The following LRRTM1 variants were observed in gnomAD, a reference collection of about 807,000 sequenced individuals.
LRRTM1 encodes the protein leucine rich repeat transmembrane neuronal 1.
In LRRTM1, 8 loss-of-function variants were observed where a neutral mutation model predicts 37.3. That is an observed-to-expected ratio of 0.21 (90% CI 0.13 to 0.39). The LOEUF (loss-of-function observed/expected upper bound fraction) is 0.39, where lower values mean the gene tolerates loss of function less well. LRRTM1 is among the 10% of genes least tolerant of loss of function. LRRTM1 has a pLI of 1.00. For synonymous variants in LRRTM1, 326 were observed against 316.8 expected (o/e 1.03, Z -0.31); for missense variants, 557 against 691.0 (o/e 0.81, Z 2.17).
chr2:80,301,262 A>C (rs993051592), downstream of LRRTM1, among the ~76,000 whole-genome samples: 7 of 152,228 alleles, frequency 4.6e-5, no homozygotes, highest in African/African-American at 1.7e-4. Context: ...GTGCTCCAGA[A>C]GCACAGCTTT....
chr2:80,293,759 G>A (rs1255033804), intron 2 of LRRTM1, among the ~76,000 whole-genome samples: 3 of 152,282 alleles, frequency 2.0e-5, no homozygotes, highest in East Asian at 1.9e-4. Flanking sequence ...TGGAAGAGCT[G>A]GTGGCAAATC....
chr2:80,290,465 G>A (rs1227484508), intron 2 of LRRTM1, among the ~76,000 whole-genome samples: 3 of 152,060 alleles, frequency 2.0e-5, no homozygotes, highest in Non-Finnish European at 4.4e-5. Context: ...ACCATGGTGA[G>A]GTTGGTGAGG....
intron 2 of LRRTM1, among the ~76,000 whole-genome samples, chr2:80,289,408 C>T (rs1387762804): frequency 6.6e-6 from 1 of 152,090 alleles, no homozygotes; most frequent in Non-Finnish European, 1.5e-5. Flanking sequence ...CCAGTTCTCG[C>T]CTCTTTAGAG....
chr2:80,298,013 C>T (rs1346908419), downstream of LRRTM1, among the ~76,000 whole-genome samples: 1 of 150,414 alleles, frequency 6.6e-6, no homozygotes, highest in Non-Finnish European at 1.5e-5. Context: ...GTGTGTGGTA[C>T]TATGTGGTTT....
chr2:80,288,698 G>A (rs1392697215), exon 3 of LRRTM1: 1 of 152,312 alleles, frequency 6.6e-6, no homozygotes, highest in African/African-American at 2.4e-5. Context: ...GGGAGGGGAG[G>A]AAGCTTGGCA....
At chr2:80,291,991 C>A (rs1050417470) in intron 2 of LRRTM1, among the ~76,000 whole-genome samples, 1 of 152,180 alleles carries the variant, frequency 6.6e-6, no homozygotes, top group Admixed American at 6.5e-5. Context: ...CAACTCCAGA[C>A]TTCACTGCCT....
exon 3 of LRRTM1, chr2:80,288,806 C>T (rs1368447657): frequency 3.3e-5 from 5 of 152,210 alleles, no homozygotes; most frequent in African/African-American, 7.2e-5. Flanking sequence ...CTTTTCCTCT[C>T]TCACATCTGC....
Position 80,303,522 on chromosome 2 carries a change from G to T in LRRTM1, c.298C>A (p.His100Asn). The T allele has an allele frequency of 1.2e-6, 2 of 1,614,254 alleles. No homozygotes were observed. The highest frequency in any genetic ancestry group is 8.5e-7 in the Non-Finnish European group (1 of 1,180,050). ...QLTWLYLDHN[H>N]ICSVQGDAFQ... ...GCGTCCCCCTGCACGGAGCAGATGTGATTGTGATCCAGATAGAGCCACGTG... is the reference window on the plus strand; with the variant it reads ...GCGTCCCCCTGCACGGAGCAGATGTTATTGTGATCCAGATAGAGCCACGTG... The change falls in exon 2 of 2, where the codon CAC becomes AAC. Residue 100 changes from histidine to asparagine, a missense_variant. Around this residue, in one of 5 missense-constraint regions of LRRTM1, gnomAD observed 140 missense variants for 138.1 expected, o/e 1.01. Transcript: ENST00000295057. This position sits in a 1 kb window ranked among gnomAD's most constrained non-coding sequence, Gnocchi z 7.7.
chr2:80,300,286 GTGTGT>G (rs1285370571), downstream of LRRTM1, among the ~76,000 whole-genome samples: 6 of 15,422 alleles, frequency 3.9e-4, no homozygotes, highest in Admixed American at 2.0e-3. Flanking sequence ...GTTGGGGTGT[GTGTGT>G]GTGTGTGTGT....
At chr2:80,288,532 T>C (rs1674969669) in exon 3 of LRRTM1, 1 of 152,154 alleles carries the variant, frequency 6.6e-6, no homozygotes. Context: ...AGCTGGCAGT[T>C]GTTGAAAGAA....
At chr2:80,291,124 G>C (rs1675200800) in intron 2 of LRRTM1, among the ~76,000 whole-genome samples, 1 of 152,198 alleles carries the variant, frequency 6.6e-6, no homozygotes, top group South Asian at 2.1e-4. Context: ...TTGCAAACGA[G>C]AATGTTCCCT....
rs747165881 is a variant in LRRTM1, at chr2:80,302,751, C to G, written c.1069G>C (p.Val357Leu). Residue 357 changes from valine (V) to leucine (L), a missense_variant, in exon 2 of 2, where the codon GTG becomes CTG. By Grantham distance (32) the Val-to-Leu change is conservative (BLOSUM62 1). This residue lies in a region of LRRTM1 where 89 missense variants were observed against 80.7 expected (regional missense o/e 1.10). Transcript: ENST00000295057. This position sits in a 1 kb window ranked among gnomAD's most constrained non-coding sequence, Gnocchi z 6.4. ...TCCTCGCACAGGTGGAAGGCGTACACGGCGTCCAGGACGTCCTCGCCCTGT... is the reference window on the plus strand; with the variant it reads ...TCCTCGCACAGGTGGAAGGCGTACAGGGCGTCCAGGACGTCCTCGCCCTGT... ...YAQGEDVLDA[V>L]YAFHLCEDGA... 1 of 1,613,086 alleles carries G rather than the reference C, an allele frequency of 6.2e-7. No individual in the cohort carries two copies.
downstream of LRRTM1, chr2:80,298,601 T>G (rs1675968604): frequency 6.6e-6 from 1 of 152,238 alleles, no homozygotes; most frequent in African/African-American, 2.4e-5. Flanking sequence ...GAATAACAAG[T>G]GGCATTTGCC....
intron 2 of LRRTM1, among the ~76,000 whole-genome samples, chr2:80,296,865 G>A (rs1037362085): frequency 6.6e-6 from 1 of 152,154 alleles, no homozygotes; most frequent in Non-Finnish European, 1.5e-5. Context: ...ACACAAACAA[G>A]TAAATGTCTA....
intron 2 of LRRTM1, among the ~76,000 whole-genome samples, chr2:80,291,830 C>A (rs1408556971): frequency 6.6e-6 from 1 of 152,142 alleles, no homozygotes; most frequent in Non-Finnish European, 1.5e-5. Flanking sequence ...GTGCACATGG[C>A]CACGTGTATT....
exon 3 of LRRTM1, chr2:80,288,613 C>T (rs1044672037): frequency 1.3e-5 from 2 of 152,206 alleles, no homozygotes; most frequent in Admixed American, 6.5e-5. Context: ...TCTGGACTGG[C>T]CCAGATTCTT....
chr2:80,304,699 A>G lies in LRRTM1; in HGVS notation c.-607T>C, dbSNP rs1249045579. On this transcript the variant is annotated 5_prime_UTR_variant, in exon 1 of 2. Coordinates refer to ENST00000295057, the MANE Select transcript of LRRTM1 (RefSeq NM_178839.5). ...AGCGGCGCCCGGGCTCCTTCCCTCC[A>G]CCAGGCAGTGTGCGGCGCGAGCTTG... 6.6e-6 allele frequency: 1 copy of G among 152,606 alleles called. No homozygotes were observed. The highest frequency in any genetic ancestry group is 1.5e-5 in the Non-Finnish European group (1 of 68,064). 9.5% of individuals were successfully genotyped at this position (152,606 alleles called of 1,614,324 possible).
Position 80,303,411 on chromosome 2 carries a change from G to T in LRRTM1, c.409C>A (p.Pro137Thr). Reference protein sequence around the residue: ...QLPNTTFRPMPNLRSVDLSYN... With the variant: ...QLPNTTFRPMTNLRSVDLSYN... ...GAGAGGTCCACGCTGCGCAGGTTGGGCATGGGCCGGAAGGTGGTGTTGGGC... is the reference window on the plus strand; with the variant it reads ...GAGAGGTCCACGCTGCGCAGGTTGGTCATGGGCCGGAAGGTGGTGTTGGGC... Residue 137 changes from proline to threonine, a missense_variant, in exon 2 of 2, where the codon CCC (proline) becomes ACC (threonine). This residue lies in a region of LRRTM1 where 38 missense variants were observed against 72.9 expected (regional missense o/e 0.52). Coordinates refer to ENST00000295057, the MANE Select transcript of LRRTM1 (RefSeq NM_178839.5). This position sits in a 1 kb window ranked among gnomAD's most constrained non-coding sequence, Gnocchi z 7.7. 1.2e-6 allele frequency: 2 copies of T among 1,614,192 alleles called. No individual in the cohort carries two copies. The highest frequency in any genetic ancestry group is 1.7e-6 in the Non-Finnish European group (2 of 1,180,038).
chr2:80,292,597 T>C (rs1675363206), intron 2 of LRRTM1, among the ~76,000 whole-genome samples: 1 of 152,230 alleles, frequency 6.6e-6, no homozygotes, highest in African/African-American at 2.4e-5. Flanking sequence ...AGGTCATGTT[T>C]CATAAATGGA....
Sources: allele counts gnomAD v4.1 joint callset (sites outside exome capture counted in the v4.1 genomes callset), GRCh38; gene constraint gnomAD v4.1.1; regional missense constraint gnomAD v4.1.1; non-coding constraint Gnocchi (gnomAD v3.1); transcripts MANE v1.5; gene names NCBI Gene and HGNC (gene_info 2026-07-23, HGNC 2026-07-21).